FGF1: variants seen among roughly 807,000 people sequenced by gnomAD.
The protein encoded by FGF1 is beta-endothelial cell growth factor.
FGF1 carries 9 observed loss-of-function variants against 13.4 expected under a neutral mutation model. The observed-to-expected ratio is 0.67, with a 90% CI of 0.40 to 1.17. The LOEUF (loss-of-function observed/expected upper bound fraction) is 1.17, where lower values mean the gene tolerates loss of function less well. Among genes scored for constraint, FGF1 ranks in the 50% most tolerant of loss-of-function variants. The probability of loss-of-function intolerance (pLI) is 0.01; values close to 1 mark genes in which losing one functional copy is unlikely to be tolerated. For missense variants in FGF1, 156 were observed against 192.7 expected, an observed-to-expected ratio of 0.81 and a Z score of 1.13; for synonymous variants, 93 against 79.0, an observed-to-expected ratio of 1.18 and a Z score of -0.94.
chr5:142,689,980 C>T (rs62383260), upstream of FGF1, among the ~76,000 whole-genome samples: 147,913 of 147,922 alleles, frequency 1, 73,952 homozygotes, highest in Middle Eastern at 1. Context: ...GGATTACAGG[C>T]GTGAGCCACC....
At chr5:142,640,156 AG>A (rs1461681284) in intron 1 of FGF1, among the ~76,000 whole-genome samples, 1 of 152,038 alleles carries the variant, frequency 6.6e-6, no homozygotes, top group Non-Finnish European at 1.5e-5. Flanking sequence ...AAACTCGAGA[AG>A]AAGAGACTGA....
chr5:142,611,433 G>A (rs1444141430), intron 2 of FGF1, among the ~76,000 whole-genome samples: 1 of 152,180 alleles, frequency 6.6e-6, no homozygotes, highest in Non-Finnish European at 1.5e-5. Context: ...AATTATCTGG[G>A]AACACTAGAG....
At chr5:142,679,619 A>C (rs1773341441) in intron 1 of FGF1, among the ~76,000 whole-genome samples, 1 of 151,808 alleles carries the variant, frequency 6.6e-6, no homozygotes, top group Non-Finnish European at 1.5e-5. Flanking sequence ...GGCCCATCCC[A>C]ATCCCCTCTC....
intron 1 of FGF1, among the ~76,000 whole-genome samples, chr5:142,653,711 C>T (rs1189511842): frequency 2.0e-5 from 3 of 152,180 alleles, no homozygotes; most frequent in Non-Finnish European, 4.4e-5. Flanking sequence ...TCTTCTACGA[C>T]ACCGGTTGGG....
intron 2 of FGF1, among the ~76,000 whole-genome samples, chr5:142,692,386 A>G (rs950051797): frequency 2.6e-5 from 4 of 151,172 alleles, no homozygotes; most frequent in African/African-American, 9.9e-5. Context: ...CCCAAGAGGA[A>G]CCATTGAGAG....
chr5:142,647,832 C>T (rs770578642), intron 1 of FGF1, among the ~76,000 whole-genome samples: 4 of 152,010 alleles, frequency 2.6e-5, no homozygotes, highest in Admixed American at 6.6e-5. Context: ...GCCTGTAATC[C>T]CAGCACTTTG....
chr5:142,640,351 T>C (rs2151948254), intron 1 of FGF1, among the ~76,000 whole-genome samples: 1 of 145,870 alleles, frequency 6.9e-6, no homozygotes, highest in South Asian at 2.2e-4. Context: ...AAAATGGTGC[T>C]AATTCCCGTA....
chr5:142,668,373 C>T (rs148270675), intron 1 of FGF1, among the ~76,000 whole-genome samples: 19 of 152,320 alleles, frequency 1.2e-4, no homozygotes, highest in African/African-American at 2.6e-4. Flanking sequence ...AAAATGTGGT[C>T]GCTAAAGCTC....
At chr5:142,664,255 C>T (rs1282517746) in intron 1 of FGF1, among the ~76,000 whole-genome samples, 1 of 152,158 alleles carries the variant, frequency 6.6e-6, no homozygotes, top group African/African-American at 2.4e-5. Flanking sequence ...AAAGGCGCCC[C>T]CCACCTCCCA....
chr5:142,633,960 G>A (rs1385601033), intron 1 of FGF1, among the ~76,000 whole-genome samples: 3 of 151,718 alleles, frequency 2.0e-5, no homozygotes, highest in East Asian at 1.9e-4. Context: ...CGAGACGGGC[G>A]GATCACGAGG....
At chr5:142,690,941 T>C (rs142629158), upstream of FGF1, among the ~76,000 whole-genome samples, 1 of 152,334 alleles carries the variant, frequency 6.6e-6, no homozygotes, top group Non-Finnish European at 1.5e-5. Context: ...CCCAGAATTA[T>C]GCATTTATTT....
chr5:142,641,324 C>G (rs1317970442), intron 1 of FGF1, among the ~76,000 whole-genome samples: 1 of 152,022 alleles, frequency 6.6e-6, no homozygotes, highest in Non-Finnish European at 1.5e-5. Flanking sequence ...GTCTGGTTAG[C>G]TGGTTGATTT....
intron 1 of FGF1, among the ~76,000 whole-genome samples, chr5:142,673,466 A>G (rs918524515): frequency 1.3e-5 from 2 of 152,212 alleles, no homozygotes; most frequent in Admixed American, 6.5e-5. Flanking sequence ...AATAAATATG[A>G]CCAGTTACAA....
chr5:142,694,057 G>A (rs190865932), intron 2 of FGF1, among the ~76,000 whole-genome samples: 23 of 151,104 alleles, frequency 1.5e-4, no homozygotes, highest in East Asian at 5.8e-4. Flanking sequence ...AGATTTACCC[G>A]AAGAATTTAT....
intron 1 of FGF1, among the ~76,000 whole-genome samples, chr5:142,670,550 C>T (rs1256228492): frequency 6.6e-6 from 1 of 152,184 alleles, no homozygotes; most frequent in Non-Finnish European, 1.5e-5. Context: ...CATCCACTCA[C>T]ACATGACAGC....
chr5:142,658,586 G>A (rs1340067809), intron 1 of FGF1, among the ~76,000 whole-genome samples: 1 of 152,188 alleles, frequency 6.6e-6, no homozygotes, highest in Non-Finnish European at 1.5e-5. Flanking sequence ...GGACCACATT[G>A]TAGTGGGGCT....
chr5:142,688,679 G>T (rs1751654655), upstream of FGF1, among the ~76,000 whole-genome samples: 1 of 152,220 alleles, frequency 6.6e-6, no homozygotes. Context: ...CTGGAGAAAG[G>T]AAGAAAATTA....
At chr5:142,609,194 C>A (rs1293841822) in intron 2 of FGF1, among the ~76,000 whole-genome samples, 1 of 152,134 alleles carries the variant, frequency 6.6e-6, no homozygotes, top group Non-Finnish European at 1.5e-5. Context: ...GACCAGTGAA[C>A]TCTGCTAGCG....
At chr5:142,612,206 T>C (rs1237036139) in intron 2 of FGF1, among the ~76,000 whole-genome samples, 1 of 152,210 alleles carries the variant, frequency 6.6e-6, no homozygotes, top group African/African-American at 2.4e-5. Context: ...CCAAATCCAC[T>C]GTGGACTCCA....
Sources: allele counts gnomAD v4.1 joint callset (sites outside exome capture counted in the v4.1 genomes callset), GRCh38; gene constraint gnomAD v4.1.1; transcripts MANE v1.5; gene names NCBI Gene and HGNC (gene_info 2026-07-23, HGNC 2026-07-21).